FAT3: variants seen among roughly 807,000 people sequenced by gnomAD.
The protein encoded by FAT3 is FAT atypical cadherin 3.
FAT3 carries 95 observed loss-of-function variants against 310.2 expected under a neutral mutation model. The observed-to-expected ratio is 0.31, with a 90% CI of 0.26 to 0.36. The LOEUF is 0.36. Among genes scored for constraint, FAT3 ranks in the 10% least tolerant of loss-of-function variants. The pLI is 1.00. For missense variants in FAT3, 5,408 were observed against 5,715.6 expected, an observed-to-expected ratio of 0.95 and a Z score of 1.74; for synonymous variants, 2,314 against 2,192.9, an observed-to-expected ratio of 1.06 and a Z score of -1.54.
chr11:92,536,110 T>G (rs952349743), intron 3 of FAT3, among the ~76,000 whole-genome samples: 1 of 152,188 alleles, frequency 6.6e-6, no homozygotes, highest in African/African-American at 2.4e-5. Context: ...TTTGAGTGAT[T>G]TTGTTCTTAG....
intron 1 of FAT3, among the ~76,000 whole-genome samples, chr11:92,284,845 G>A (rs1041483341): frequency 3.9e-5 from 6 of 152,128 alleles, no homozygotes; most frequent in African/African-American, 1.4e-4. Context: ...TACAGTGCTG[G>A]CATGTGGAAG....
intron 3 of FAT3, among the ~76,000 whole-genome samples, chr11:92,658,494 A>G (rs1226035905): frequency 6.6e-6 from 1 of 152,134 alleles, no homozygotes. Flanking sequence ...TAGGCAAGAC[A>G]GGGCTTGCTT....
intron 16 of FAT3, among the ~76,000 whole-genome samples, chr11:92,837,117 T>C (rs1362235482): frequency 6.6e-6 from 1 of 152,196 alleles, no homozygotes; most frequent in Non-Finnish European, 1.5e-5. Context: ...TGTCCAAGGT[T>C]AAGTGAAGTT....
chr11:92,581,784 A>T (rs1476332906), intron 3 of FAT3, among the ~76,000 whole-genome samples: 1 of 151,988 alleles, frequency 6.6e-6, no homozygotes, highest in East Asian at 1.9e-4. Context: ...CATGATGTAA[A>T]ATGCTGTACA....
chr11:92,242,056 C>T (rs980640689), intron 1 of FAT3, among the ~76,000 whole-genome samples: 1 of 151,988 alleles, frequency 6.6e-6, no homozygotes, highest in Non-Finnish European at 1.5e-5. Context: ...TCATCTTACA[C>T]CGTGATCTCC....
chr11:92,618,020 G>A lies in FAT3; in HGVS notation c.3608-79364G>A, dbSNP rs539678019. On this transcript the variant is annotated intron_variant, in intron 3 of 27. Coordinates refer to ENST00000525166, the MANE Select transcript of FAT3 (RefSeq NM_001367949.2). ...TACTCTCTTCAAAGCTATCAGACAAGGACGTTTAAGTCTGCAGAAGTTTCT... is the reference window on the plus strand; with the variant it reads ...TACTCTCTTCAAAGCTATCAGACAAAGACGTTTAAGTCTGCAGAAGTTTCT... Among the ~76,000 whole-genome samples, 366 of 152,292 alleles carry A rather than the reference G, an allele frequency of 2.4e-3. 2 individuals are homozygous for A. Among genetic ancestry groups the A allele is most frequent in the Non-Finnish European group, 2.2e-3 (151 of 68,020 alleles).
chr11:92,607,481 G>C (rs1940355803), intron 3 of FAT3, among the ~76,000 whole-genome samples: 1 of 152,108 alleles, frequency 6.6e-6, no homozygotes, highest in Admixed American at 6.5e-5. Flanking sequence ...TTTGCCTTCT[G>C]AGGGGACTTT....
chr11:92,738,560 G>A (rs1396482315), intron 4 of FAT3, among the ~76,000 whole-genome samples: 1 of 152,128 alleles, frequency 6.6e-6, no homozygotes, highest in African/African-American at 2.4e-5. Flanking sequence ...AGGTCCTCAA[G>A]GAGTAATTAC....
Position 92,354,056 on chromosome 11 carries a change from T to C in FAT3, c.1944T>C (p.Asn648=). ...CAAATTCTGGCATTAAAAATGGCAA[T>C]TTTGCCCTCAGAATTACAGCAACTG... ...SLTNSGIKNG[N]FALRITATDG... The change falls in exon 2 of 28, where the codon AAT becomes AAC. Residue 648 remains asparagine, a synonymous_variant. Coordinates refer to ENST00000525166, the MANE Select transcript of FAT3 (RefSeq NM_001367949.2). The C allele has an allele frequency of 1.2e-6, 2 of 1,613,636 alleles. No homozygotes were observed. Among genetic ancestry groups the C allele is most frequent in the South Asian group, 2.2e-5 (2 of 91,056 alleles).
chr11:92,513,179 G>A (rs1360602502), intron 2 of FAT3, among the ~76,000 whole-genome samples: 1 of 149,782 alleles, frequency 6.7e-6, no homozygotes, highest in African/African-American at 2.5e-5. Flanking sequence ...CTCTGTTCAT[G>A]CCATTTCAAT....
chr11:92,316,713 C>A (rs564626129), intron 1 of FAT3, among the ~76,000 whole-genome samples: 1 of 152,224 alleles, frequency 6.6e-6, no homozygotes, highest in African/African-American at 2.4e-5. Context: ...GATTAAATCA[C>A]ACTTTGGAAT....
chr11:92,418,343 G>GA (rs1184660338), intron 2 of FAT3, among the ~76,000 whole-genome samples: 1 of 146,890 alleles, frequency 6.8e-6, no homozygotes, highest in Non-Finnish European at 1.5e-5. Context: ...TGGTAGGCTA[G>GA]AAAAAAATAC....
At chr11:92,602,204 G>A (rs1469892347) in intron 3 of FAT3, among the ~76,000 whole-genome samples, 1 of 152,026 alleles carries the variant, frequency 6.6e-6, no homozygotes, top group Non-Finnish European at 1.5e-5. Flanking sequence ...CTCCTGAGTA[G>A]CTGGGATTAC....
rs768090659 is a variant in FAT3, at chr11:92,894,784, T to C, written c.*3671T>C. The C allele has an allele frequency of 2.6e-5, 4 of 152,202 alleles. No individual in the cohort carries two copies. The highest frequency in any genetic ancestry group is 5.9e-5 in the Non-Finnish European group (4 of 68,030). The allele number at this position is 152,202 out of a possible 1,614,324, so 9.4% of individuals were successfully genotyped here. On this transcript the variant is annotated 3_prime_UTR_variant, in exon 28 of 28. Coordinates refer to ENST00000525166, the MANE Select transcript of FAT3 (RefSeq NM_001367949.2). ...GAGTAGGTGGTCCATGCTTTGAGGT[T>C]CATCCAATTAGGGAATAAATGTGAA...
Position 92,353,125 on chromosome 11 carries a change from C to T in FAT3, c.1013C>T (p.Pro338Leu), listed in dbSNP as rs2134635268. Residue 338 changes from proline to leucine, a missense_variant, in exon 2 of 28, where the codon CCC becomes CTC. Pro to Leu is a moderately conservative substitution (Grantham distance 98). Transcript: ENST00000525166. ...AAGCAGATTGACTGGGAGAGCTTTC[C>T]CTATGGCTACAATCTCACTCTTCAA... ...ERKQIDWESF[P>L]YGYNLTLQAK... The T allele has an allele frequency of 6.2e-7, 1 of 1,613,552 alleles. No homozygotes were observed. The highest frequency in any genetic ancestry group is 8.5e-7 in the Non-Finnish European group (1 of 1,179,832).
intron 3 of FAT3, among the ~76,000 whole-genome samples, chr11:92,578,257 A>G (rs995467538): frequency 4.6e-5 from 7 of 152,110 alleles, no homozygotes; most frequent in African/African-American, 1.4e-4. Flanking sequence ...TTGGTTCTCT[A>G]TATTAACAGA....
intron 2 of FAT3, among the ~76,000 whole-genome samples, chr11:92,467,009 T>A (rs1951779721): frequency 6.6e-6 from 1 of 152,032 alleles, no homozygotes; most frequent in South Asian, 2.1e-4. Flanking sequence ...TGGTTCCAAG[T>A]CTTTGCTATT....
At chr11:92,476,487 C>T (rs1952055721) in intron 2 of FAT3, among the ~76,000 whole-genome samples, 3 of 152,060 alleles carry the variant, frequency 2.0e-5, no homozygotes. Flanking sequence ...GTACACACAC[C>T]ACCACCTTGT....
chr11:92,276,635 C>T (rs930141718), intron 1 of FAT3, among the ~76,000 whole-genome samples: 3 of 152,090 alleles, frequency 2.0e-5, no homozygotes, highest in Middle Eastern at 3.2e-3. Context: ...GTCTGGGTGC[C>T]TCAACGAGTA....
Sources: allele counts gnomAD v4.1 joint callset (sites outside exome capture counted in the v4.1 genomes callset), GRCh38; gene constraint gnomAD v4.1.1; transcripts MANE v1.5; gene names NCBI Gene and HGNC (gene_info 2026-07-23, HGNC 2026-07-21).